ZNF140: variants seen among roughly 807,000 people sequenced by gnomAD.
ZNF140 encodes the protein zinc finger protein 140 (clone pHZ-39).
In ZNF140, 13 loss-of-function variants were observed where a neutral mutation model predicts 12.9. The observed-to-expected ratio is 1.01, with a 90% CI of 0.66 to 1.60. ZNF140 has a LOEUF of 1.60. Among genes scored for constraint, ZNF140 ranks in the 40% most tolerant of loss-of-function variants. ZNF140 has a pLI of 0.00. For synonymous variants in ZNF140, 214 were observed against 186.7 expected (o/e 1.15, Z -1.19); for missense variants, 531 against 548.8 (o/e 0.97, Z 0.32).
intron 4 of ZNF140, among the ~76,000 whole-genome samples, chr12:133,095,911 G>T (rs1475407096): frequency 6.6e-6 from 1 of 151,858 alleles, no homozygotes; most frequent in Non-Finnish European, 1.5e-5. Flanking sequence ...TACTATCTCA[G>T]AATTGAACAA....
chr12:133,083,362 A>G (rs940499043), intron 3 of ZNF140, 104 bp from the exon 4 acceptor site: 67 of 1,501,946 alleles, frequency 4.5e-5, no homozygotes, highest in Admixed American at 1.1e-4. Context: ...ACGTAACTGC[A>G]CCTTATTTTT....
intron 4 of ZNF140, among the ~76,000 whole-genome samples, chr12:133,088,067 G>A (rs990224796): frequency 1.3e-4 from 20 of 151,832 alleles, no homozygotes; most frequent in African/African-American, 4.4e-4. Flanking sequence ...GAGGCAGAGG[G>A]TGCAGTAAGT....
rs1262743361 is a variant in ZNF140 at position 133,106,161 on chromosome 12, A to C, written c.884A>C (p.His295Pro). ...GAACTCATTCGCCACCAGATTACAC[A>C]TACTGGAGAGAAACCTTATGAATGC... ...GSELIRHQIT[H>P]TGEKPYECIE... Residue 295 changes from histidine to proline, a missense_variant, in exon 5 of 5, where the codon CAT (histidine) becomes CCT (proline). His to Pro is a moderately conservative substitution (Grantham distance 77). Coordinates refer to ENST00000355557, the MANE Select transcript of ZNF140 (RefSeq NM_003440.4). 3.7e-6 allele frequency: 6 copies of C among 1,614,088 alleles called. No individual in the cohort carries two copies. Among genetic ancestry groups the C allele is most frequent in the Non-Finnish European group, 5.1e-6 (6 of 1,180,040 alleles).
In ZNF140 at chr12:133,107,262, G is replaced by A. The variant is rs1186622972; in HGVS notation, c.*611G>A. The A allele has an allele frequency of 6.6e-6, 1 of 152,178 alleles. No homozygotes were observed. Among genetic ancestry groups the A allele is most frequent in the Non-Finnish European group, 1.5e-5 (1 of 68,026 alleles). 9.4% of individuals were successfully genotyped at this position (152,178 alleles called of 1,614,324 possible). A position where few individuals can be genotyped will look rare whatever the true frequency, so the allele number is the denominator to read the frequency against. On this transcript the variant is annotated 3_prime_UTR_variant, in exon 5 of 5. Transcript: ENST00000355557. ...CCTATATCAGAGAATTACACTGTGG[G>A]AAAACTACCATTGTAATAAGTGTAG...
In ZNF140 at chr12:133,106,069, A is replaced by C. The variant is rs710945; in HGVS notation, c.792A>C (p.Gln264His). 6 of 1,613,820 alleles carry C rather than the reference A, an allele frequency of 3.7e-6. No individual in the cohort carries two copies. Among genetic ancestry groups the C allele is most frequent in the Non-Finnish European group, 5.1e-6 (6 of 1,179,970 alleles). The change falls in exon 5 of 5, where the codon CAA becomes CAC. Residue 264 changes from glutamine to histidine, a missense_variant. Physicochemically the swap from Gln to His is conservative, Grantham distance 24. Coordinates refer to ENST00000355557, the MANE Select transcript of ZNF140 (RefSeq NM_003440.4). ...FSRASNLTRH[Q>H]RIHIGKKQYI... Reference sequence around the variant, plus strand: ...GTGCCTCCAACCTCACTCGACATCAAAGAATTCACATAGGAAAGAAACAAT... The same window carrying C: ...GTGCCTCCAACCTCACTCGACATCACAGAATTCACATAGGAAAGAAACAAT...
At position 133,091,224 on chromosome 12, in the gene ZNF140, T is replaced by C. The variant is rs374298284; in HGVS notation, c.232+7663T>C. Among the ~76,000 whole-genome samples, 1,122 of 149,580 alleles carry C rather than the reference T, an allele frequency of 7.5e-3. 46 individuals are homozygous for C. The highest frequency in any genetic ancestry group is 0.014 in the African/African-American group (548 of 40,474). ...TACCCTGCTTTCAAGGGCAGAGGTCTCTGCGGCTTTCTGCAGTGCACTGTG... is the reference window on the plus strand; with the variant it reads ...TACCCTGCTTTCAAGGGCAGAGGTCCCTGCGGCTTTCTGCAGTGCACTGTG... On this transcript the variant is annotated intron_variant, in intron 4 of 4. Transcript: ENST00000355557.
chr12:133,095,741 G>C (rs561006598), intron 4 of ZNF140, among the ~76,000 whole-genome samples: 2 of 151,382 alleles, frequency 1.3e-5, no homozygotes, highest in Admixed American at 6.6e-5. Context: ...GTGAGCAAAA[G>C]AATCTATGTC....
In ZNF140 at chr12:133,103,059, T is replaced by G. The variant is rs563249812; in HGVS notation, c.233-2451T>G. ...AATTGACACAATGACTGTACGTTTA[T>G]GAAGTACAATGTGATGTTTCAATAC... On this transcript the variant is annotated intron_variant, in intron 4 of 4. Transcript: ENST00000355557. Among the ~76,000 whole-genome samples, 10 of 152,352 alleles carry G rather than the reference T, an allele frequency of 6.6e-5. No individual in the cohort carries two copies. In the East Asian group the frequency reaches 1.9e-3, roughly 29 times the overall value.
Position 133,091,108 on chromosome 12 carries a change from T to C in ZNF140, c.232+7547T>C, listed in dbSNP as rs991752965. 9.2e-3 allele frequency among the ~76,000 whole-genome samples: 1,333 copies of C among 144,214 alleles called. 24 individuals carry two copies. Among genetic ancestry groups the C allele is most frequent in the Middle Eastern group, 0.018 (5 of 274 alleles). 94.6% of individuals were successfully genotyped at this position (144,214 alleles called of 152,430 possible). A position where few individuals can be genotyped will look rare whatever the true frequency, so the allele number is the denominator to read the frequency against. On this transcript the variant is annotated intron_variant, in intron 4 of 4. Transcript: ENST00000355557. ...TTACTCATCCATCTCAGCACAGACC[T>C]TTTACAGGTGTCGGGCTGGGGGACG... is the stretch of plus-strand genomic sequence containing the variant.
chr12:133,092,588 G>A (rs1593767387), intron 4 of ZNF140, among the ~76,000 whole-genome samples: 1 of 151,230 alleles, frequency 6.6e-6, no homozygotes, highest in Admixed American at 6.6e-5. Context: ...CCATAATTTT[G>A]GGTGTTCAGG....
At chr12:133,093,900 T>C (rs1316164841) in intron 4 of ZNF140, among the ~76,000 whole-genome samples, 1 of 151,094 alleles carries the variant, frequency 6.6e-6, no homozygotes, top group African/African-American at 2.5e-5. Flanking sequence ...CCAGTCTCAC[T>C]TTCTGTGTCT....
At chr12:133,095,565 A>G (rs1046319373) in intron 4 of ZNF140, among the ~76,000 whole-genome samples, 192 of 151,854 alleles carry the variant, frequency 1.3e-3, no homozygotes, top group Middle Eastern at 3.4e-3. Flanking sequence ...GACAAAGTAT[A>G]GAGAAACAAC....
rs1955627761 is a variant in ZNF140, at chr12:133,107,118, CA to C, written c.*470del. 1 of 153,246 alleles carries C rather than the reference CA, an allele frequency of 6.5e-6. No individual in the cohort carries two copies. The highest frequency in any genetic ancestry group is 2.1e-4 in the South Asian group (1 of 4,878). The allele number at this position is 153,246 out of a possible 1,614,324, so 9.5% of individuals were successfully genotyped here. A position where few individuals can be genotyped will look rare whatever the true frequency, so the allele number is the denominator to read the frequency against. Reference sequence around the variant, plus strand: ...AAATTCATATTTAAGCAAAGTGATACAAACACAGTGATTTGGGAATGCCTTC... The same window carrying C: ...AAATTCATATTTAAGCAAAGTGATACAACACAGTGATTTGGGAATGCCTTC... On this transcript the variant is annotated 3_prime_UTR_variant, in exon 5 of 5. Transcript: ENST00000355557.
At chr12:133,084,149 G>T in intron 4 of ZNF140, 1 of 436,526 alleles carries the variant, frequency 2.3e-6, no homozygotes, top group Non-Finnish European at 4.5e-6. Context: ...GTTCTGTCTG[G>T]TCTCTGAATT....
chr12:133,095,619 C>T lies in ZNF140; in HGVS notation c.233-9891C>T, dbSNP rs372431239. 6.9e-4 allele frequency among the ~76,000 whole-genome samples: 105 copies of T among 151,844 alleles called. 2 individuals carry two copies. In the East Asian group the frequency reaches 0.016, roughly 24 times the overall value. On this transcript the variant is annotated intron_variant, in intron 4 of 4. Coordinates refer to ENST00000355557, the MANE Select transcript of ZNF140 (RefSeq NM_003440.4). ...GCATCAGCATACCAAGGACCTGCAC[C>T]AGCACCGGCCTCTGAGTTCCCTCAG...
intron 4 of ZNF140, among the ~76,000 whole-genome samples, chr12:133,090,893 C>G (rs1025752405): frequency 2.1e-5 from 3 of 140,568 alleles, no homozygotes; most frequent in South Asian, 2.3e-4. Flanking sequence ...ACCCAAACAT[C>G]TCAGCGGAGT....
At chr12:133,098,884 TTTTA>T (rs1356801320) in intron 4 of ZNF140, among the ~76,000 whole-genome samples, 11 of 151,782 alleles carry the variant, frequency 7.2e-5, no homozygotes, top group Non-Finnish European at 1.3e-4. Flanking sequence ...TTGTATTTTA[TTTTA>T]TTTATTTATT....
rs1955560996 is a variant in ZNF140, at chr12:133,105,541, T to C, written c.264T>C (p.Phe88=). ...VSESSGEIKD[F]SPKNVIYDDS... is the part of the protein sequence containing the mutation. ...AGTCAAGTGGTGAGATCAAAGACTTTTCACCAAAAAATGTCATTTATGATG... is the reference window on the plus strand; with the variant it reads ...AGTCAAGTGGTGAGATCAAAGACTTCTCACCAAAAAATGTCATTTATGATG... The change falls in exon 5 of 5, where the codon TTT becomes TTC. Residue 88 remains phenylalanine, a synonymous_variant. Coordinates refer to ENST00000355557, the MANE Select transcript of ZNF140 (RefSeq NM_003440.4). 2 of 1,610,054 alleles carry C rather than the reference T, an allele frequency of 1.2e-6. No homozygotes were observed. The highest frequency in any genetic ancestry group is 1.1e-5 in the South Asian group (1 of 90,138).
At chr12:133,083,607 A>G (rs1954573592) in intron 4 of ZNF140, 46 bp downstream of exon 4, 3 of 1,532,350 alleles carry the variant, frequency 2.0e-6, no homozygotes, top group Non-Finnish European at 2.7e-6. Context: ...AAACCACTCA[A>G]TTAGTCAATG....
Sources: gnomAD v4.1 joint callset for allele counts (sites outside exome capture counted in the v4.1 genomes callset) on GRCh38, gnomAD v4.1.1 for gene constraint, MANE v1.5 for transcripts, NCBI Gene and HGNC (gene_info 2026-07-23, HGNC 2026-07-21) for gene names.